The following GPC5 variants were observed in gnomAD, a reference collection of about 807,000 sequenced individuals.
GPC5 encodes the protein glypican 5, also known as glypican-5.
A neutral mutation model predicts 53.9 loss-of-function variants in GPC5; 47 were observed. The observed-to-expected ratio is 0.87, with a 90% CI of 0.69 to 1.11. The LOEUF is 1.11. Among genes scored for constraint, GPC5 ranks in the 50% most tolerant of loss-of-function variants. The probability of loss-of-function intolerance (pLI) is 0.00; values close to 1 mark genes in which losing one functional copy is unlikely to be tolerated. For synonymous variants in GPC5, 286 were observed against 263.3 expected, an observed-to-expected ratio of 1.09 and a Z score of -0.84; for missense variants, 748 against 713.1, an observed-to-expected ratio of 1.05 and a Z score of -0.56.
intron 7 of GPC5, among the ~76,000 whole-genome samples, chr13:92,385,122 T>C (rs897062147): frequency 6.6e-6 from 1 of 151,862 alleles, no homozygotes; most frequent in Non-Finnish European, 1.5e-5. Flanking sequence ...CCTTTTCCAG[T>C]CTTCATTTTA....
At chr13:92,465,778 G>C (rs1878667176) in intron 7 of GPC5, among the ~76,000 whole-genome samples, 1 of 151,876 alleles carries the variant, frequency 6.6e-6, no homozygotes, top group African/African-American at 2.4e-5. Flanking sequence ...GTTTTTATAA[G>C]AAAACATTAG....
intron 6 of GPC5, among the ~76,000 whole-genome samples, chr13:92,001,193 T>A (rs537438872): frequency 6.6e-6 from 1 of 152,352 alleles, no homozygotes; most frequent in South Asian, 2.1e-4. Flanking sequence ...GAGTTATAGT[T>A]ATCCCCAGTG....
At chr13:92,524,311 C>T (rs1289553093) in intron 7 of GPC5, among the ~76,000 whole-genome samples, 3 of 152,056 alleles carry the variant, frequency 2.0e-5, no homozygotes, top group Non-Finnish European at 2.9e-5. Context: ...CTCAAGAAAC[C>T]ACTTTCTTTG....
At chr13:91,985,652 T>C (rs2040400058) in intron 6 of GPC5, among the ~76,000 whole-genome samples, 1 of 152,210 alleles carries the variant, frequency 6.6e-6, no homozygotes, top group Admixed American at 6.5e-5. Context: ...TGATTTGTTG[T>C]AGCCTATTTT....
Position 92,847,773 on chromosome 13 carries a change from A to G in GPC5, c.1562-18509A>G, listed in dbSNP as rs1399697267. 2.0e-5 allele frequency among the ~76,000 whole-genome samples: 3 copies of G among 152,168 alleles called. 1 individual carries two copies. The South Asian group carries it at 6.2e-4, about 32-fold the overall frequency. On this transcript the variant is annotated intron_variant, in intron 7 of 7. Coordinates refer to ENST00000377067, the MANE Select transcript of GPC5 (RefSeq NM_004466.6). ...AACGTTTGTTGAGCCTGTGTTCTATAGGATTTTTTTATTCAACGTGTATCA... is the reference window on the plus strand; with the variant it reads ...AACGTTTGTTGAGCCTGTGTTCTATGGGATTTTTTTATTCAACGTGTATCA...
At chr13:92,768,458 T>C (rs1392078968) in intron 7 of GPC5, among the ~76,000 whole-genome samples, 1 of 152,198 alleles carries the variant, frequency 6.6e-6, no homozygotes, top group Non-Finnish European at 1.5e-5. Context: ...TCCTTTGAAA[T>C]TCTTCGTTTT....
At position 91,528,992 on chromosome 13, in the gene GPC5, G is replaced by T. The variant is rs773523544; in HGVS notation, c.325+80070G>T. 1.3e-4 allele frequency among the ~76,000 whole-genome samples: 20 copies of T among 152,298 alleles called. No homozygotes were observed. In the Middle Eastern group the frequency reaches 0.01, roughly 78 times the overall value. On this transcript the variant is annotated intron_variant, in intron 2 of 7. Transcript: ENST00000377067. Reference sequence around the variant, plus strand: ...TCCACACGTCAGTATTACAGTTCGAGTTGAGATTCCAGTGGGGACACAAAG... The same window carrying T: ...TCCACACGTCAGTATTACAGTTCGATTTGAGATTCCAGTGGGGACACAAAG...
chr13:92,229,325 C>T (rs1175062472), intron 7 of GPC5, among the ~76,000 whole-genome samples: 1 of 151,842 alleles, frequency 6.6e-6, no homozygotes, highest in African/African-American at 2.4e-5. Flanking sequence ...TAAAGTGTTA[C>T]TTTATCTTAT....
chr13:91,571,889 GTGTATATACACATATTGTATA>G, intron 2 of GPC5, among the ~76,000 whole-genome samples: 2 of 70,662 alleles, frequency 2.8e-5, no homozygotes, highest in Non-Finnish European at 5.3e-5. Context: ...ACATATACGT[GTGTATATACACATATTGTATA>G]TATACACATA....
chr13:92,401,245 A>C (rs1414942690), intron 7 of GPC5, among the ~76,000 whole-genome samples: 2 of 151,500 alleles, frequency 1.3e-5, no homozygotes, highest in Non-Finnish European at 2.9e-5. Flanking sequence ...ATAATACTTA[A>C]GTTCTTTATG....
At position 92,439,540 on chromosome 13, in the gene GPC5, A is replaced by G. The variant is rs150228678; in HGVS notation, c.1561+294551A>G. ...GGAACATTCCAAAAAGAATTTGACA[A>G]TAGAAGGGAATTTGTTTTTCATAAA... On this transcript the variant is annotated intron_variant, in intron 7 of 7. Coordinates refer to ENST00000377067, the MANE Select transcript of GPC5 (RefSeq NM_004466.6). Among the ~76,000 whole-genome samples, 1,116 of 152,292 alleles carry G rather than the reference A, an allele frequency of 7.3e-3. 6 individuals are homozygous for G. The highest frequency in any genetic ancestry group is 0.026 in the African/African-American group (1,062 of 41,560).
chr13:92,392,921 A>G (rs1047158761), intron 7 of GPC5, among the ~76,000 whole-genome samples: 1 of 152,188 alleles, frequency 6.6e-6, no homozygotes, highest in South Asian at 2.1e-4. Flanking sequence ...GAGCTTGCAG[A>G]AAAAAGGGAA....
chr13:92,765,462 C>T (rs1411586127), intron 7 of GPC5, among the ~76,000 whole-genome samples: 1 of 152,148 alleles, frequency 6.6e-6, no homozygotes, highest in African/African-American at 2.4e-5. Context: ...CTAAAAAGAA[C>T]TCTAAATCTG....
intron 7 of GPC5, among the ~76,000 whole-genome samples, chr13:92,854,349 A>T (rs1878923595): frequency 6.7e-6 from 1 of 148,432 alleles, no homozygotes. Flanking sequence ...GATGTTATCT[A>T]TGAATATATA....
intron 7 of GPC5, among the ~76,000 whole-genome samples, chr13:92,555,423 T>A (rs1882460443): frequency 6.6e-6 from 1 of 151,484 alleles, no homozygotes; most frequent in African/African-American, 2.4e-5. Context: ...GTCCATTCAT[T>A]ATTTGGTAAG....
intron 3 of GPC5, 118 bp downstream of exon 3, chr13:91,693,999 T>C: frequency 1.3e-6 from 1 of 783,690 alleles, no homozygotes; most frequent in East Asian, 2.7e-5. Flanking sequence ...AAGATATTAT[T>C]TTTTTATATC....
intron 7 of GPC5, among the ~76,000 whole-genome samples, chr13:92,398,072 C>T (rs1875367899): frequency 6.6e-6 from 1 of 152,014 alleles, no homozygotes; most frequent in South Asian, 2.1e-4. Context: ...AGATTACCAC[C>T]ATATTTTGAT....
chr13:92,055,342 A>T (rs1256668098), intron 6 of GPC5, among the ~76,000 whole-genome samples: 1 of 152,190 alleles, frequency 6.6e-6, no homozygotes, highest in Non-Finnish European at 1.5e-5. Context: ...TTCAGTGATT[A>T]TGGGCTAATT....
At chr13:91,734,717 G>T (rs1594498271) in intron 4 of GPC5, among the ~76,000 whole-genome samples, 1 of 140,946 alleles carries the variant, frequency 7.1e-6, no homozygotes, top group Admixed American at 7.1e-5. Context: ...GAATTCCTTT[G>T]GTGGTGAATA....
Sources: allele counts gnomAD v4.1 joint callset (sites outside exome capture counted in the v4.1 genomes callset), GRCh38; gene constraint gnomAD v4.1.1; transcripts MANE v1.5; gene names NCBI Gene and HGNC (gene_info 2026-07-23, HGNC 2026-07-21).